The following CPEB4 variants were observed in gnomAD, a reference collection of about 807,000 sequenced individuals.
CPEB4 encodes the protein cytoplasmic polyadenylation element-binding protein 4.
CPEB4 carries 12 observed loss-of-function variants against 72.5 expected under a neutral mutation model. The observed-to-expected ratio is 0.17, with a 90% CI of 0.11 to 0.27. The LOEUF is 0.27. Ranked by LOEUF, CPEB4 falls within the 10% of genes least tolerant of loss-of-function variation. CPEB4 has a pLI of 1.00. For synonymous variants in CPEB4, 302 were observed against 326.3 expected (o/e 0.93, Z 0.80); for missense variants, 614 against 908.5 (o/e 0.68, Z 4.17).
Position 173,890,743 on chromosome 5 carries a change from A to G in CPEB4, c.1010A>G (p.Asn337Ser). 1 of 1,614,068 alleles carries G rather than the reference A, an allele frequency of 6.2e-7. No homozygotes were observed. Among genetic ancestry groups the G allele is most frequent in the Non-Finnish European group, 8.5e-7 (1 of 1,180,018 alleles). ...AACTCCATCTCGCCTTTGAAGAAAA[A>G]TTTTGCAAGCAATCATATTCAGCTC... is the stretch of plus-strand genomic sequence containing the variant. ...PLNSISPLKK[N>S]FASNHIQLQK... Residue 337 changes from asparagine (N) to serine (S), a missense_variant, in exon 1 of 10, where the codon AAT becomes AGT. This residue lies in a region of CPEB4 where 458 missense variants were observed against 548.6 expected (regional missense o/e 0.83). Transcript: ENST00000265085.
chr5:173,890,943 G>A, intron 1 of CPEB4, 85 bp downstream of exon 1: 2 of 1,276,758 alleles, frequency 1.6e-6, no homozygotes, highest in South Asian at 3.0e-5. Context: ...TGAAGTGCCC[G>A]TATTCACATC....
At chr5:173,932,781 G>A (rs1757492889) in intron 3 of CPEB4, among the ~76,000 whole-genome samples, 1 of 152,172 alleles carries the variant, frequency 6.6e-6, no homozygotes, top group African/African-American at 2.4e-5. Context: ...ATTAGCTTCT[G>A]TAGAGTGACC....
intron 6 of CPEB4, 119 bp downstream of exon 6, chr5:173,949,716 A>G: frequency 1.3e-6 from 1 of 743,596 alleles, no homozygotes; most frequent in Non-Finnish European, 2.2e-6. Flanking sequence ...GCATTTTCCC[A>G]AATGCTCTTT....
chr5:173,912,059 T>G (rs1756685374), intron 2 of CPEB4, among the ~76,000 whole-genome samples: 1 of 152,212 alleles, frequency 6.6e-6, no homozygotes. Context: ...CCATCTGATG[T>G]GATACCTTTG....
chr5:173,941,241 A>G (rs958718964), intron 3 of CPEB4, among the ~76,000 whole-genome samples: 1 of 152,198 alleles, frequency 6.6e-6, no homozygotes, highest in Non-Finnish European at 1.5e-5. Context: ...GTTCGTAAAC[A>G]AGCATCTGCT....
At position 173,961,943 on chromosome 5, in the gene CPEB4, G is replaced by T. The variant is rs1190231814; in HGVS notation, c.*5806G>T. 1.5e-5 allele frequency: 2 copies of T among 137,928 alleles called. No individual in the cohort carries two copies. Among genetic ancestry groups the T allele is most frequent in the Non-Finnish European group, 1.7e-5 (1 of 60,414 alleles). The allele number at this position is 137,928 out of a possible 1,614,324, so 8.5% of individuals were successfully genotyped here. ...AGGATAGTCCTTTCCACAAGAAAAA[G>T]ACAAAAAAAAATAAAGTTTTACCAT... On this transcript the variant is annotated 3_prime_UTR_variant, in exon 10 of 10. Transcript: ENST00000265085.
intron 3 of CPEB4, among the ~76,000 whole-genome samples, chr5:173,939,543 A>G (rs1449273882): frequency 6.6e-6 from 1 of 152,216 alleles, no homozygotes; most frequent in East Asian, 1.9e-4. Flanking sequence ...AGCCCTGACA[A>G]GTCTTTCTGT....
chr5:173,916,187 A>T (rs1756860780), intron 2 of CPEB4, among the ~76,000 whole-genome samples: 2 of 152,236 alleles, frequency 1.3e-5, no homozygotes, highest in South Asian at 4.1e-4. Flanking sequence ...ATATGAAATT[A>T]TGACTTAGAT....
In CPEB4 at chr5:173,889,933, C is replaced by T. The variant is rs1231445581; in HGVS notation, c.200C>T (p.Thr67Ile). The T allele has an allele frequency of 1.2e-6, 2 of 1,614,104 alleles. No homozygotes were observed. The highest frequency in any genetic ancestry group is 1.7e-5 in the Admixed American group (1 of 60,008). The stretch of plus-strand genomic sequence containing the variant: ...GCTTGGCTTTTTCCTGCTCCAGCTA[C>T]CCATAACATTCAGGATGAGATCTTG... ...GSAWLFPAPA[T>I]HNIQDEILGS... Residue 67 changes from threonine to isoleucine, a missense_variant, in exon 1 of 10, where the codon ACC becomes ATC. By Grantham distance (89) the Thr-to-Ile change is moderately conservative (BLOSUM62 -1). This residue lies in a region of CPEB4 where 458 missense variants were observed against 548.6 expected (regional missense o/e 0.83). Transcript: ENST00000265085.
At chr5:173,897,901 C>G (rs1756080613) in intron 1 of CPEB4, among the ~76,000 whole-genome samples, 1 of 152,116 alleles carries the variant, frequency 6.6e-6, no homozygotes, top group Non-Finnish European at 1.5e-5. Context: ...CATTCTATGA[C>G]AAAATGGTAC....
At chr5:173,909,997 C>CA (rs1221865340) in intron 1 of CPEB4, among the ~76,000 whole-genome samples, 106 of 118,650 alleles carry the variant, frequency 8.9e-4, no homozygotes, top group Admixed American at 1.8e-3. Flanking sequence ...GACTGTGTCT[C>CA]AAAAAAAAAA....
rs1402412063 is a variant in CPEB4, at chr5:173,956,606, T to A, written c.*469T>A. On this transcript the variant is annotated 3_prime_UTR_variant, in exon 10 of 10. Coordinates refer to ENST00000265085, the MANE Select transcript of CPEB4 (RefSeq NM_030627.4). The stretch of plus-strand genomic sequence containing the variant: ...AAGTGCTTTTGCCTTTTCCTTTCTT[T>A]TTTTTTTTTTTTTCATCTTTTTTGT... 22 of 150,546 alleles carry A rather than the reference T, an allele frequency of 1.5e-4. No individual in the cohort carries two copies. The highest frequency in any genetic ancestry group is 2.7e-4 in the African/African-American group (11 of 41,306). The allele number at this position is 150,546 out of a possible 1,614,324, so 9.3% of individuals were successfully genotyped here.
In CPEB4 at chr5:173,950,603, CAAAAT is replaced by C. The variant is rs61670372; in HGVS notation, c.1665+555_1665+559del. ...CTGGGTGAAAAGTGAGACTCTGTCT[CAAAAT>C]AAAATAAAATAAAATAAAATAAAAT... On this transcript the variant is annotated intron_variant, in intron 7 of 9. Coordinates refer to ENST00000265085, the MANE Select transcript of CPEB4 (RefSeq NM_030627.4). The surrounding 1 kb of genome is among the most constrained non-coding windows in gnomAD (Gnocchi z 5.0). Among the ~76,000 whole-genome samples the C allele has an allele frequency of 0.43, 64,499 of 149,028 alleles. 14,327 individuals carry two copies. Among genetic ancestry groups the C allele is most frequent in the South Asian group, 0.54 (2,524 of 4,672 alleles).
chr5:173,913,179 A>C (rs1275421639), intron 2 of CPEB4, among the ~76,000 whole-genome samples: 1 of 152,036 alleles, frequency 6.6e-6, no homozygotes. Flanking sequence ...GTTAGATAAA[A>C]GAGTTGGCAC....
intron 3 of CPEB4, among the ~76,000 whole-genome samples, chr5:173,934,051 G>A (rs2113243568): frequency 6.6e-6 from 1 of 152,210 alleles, no homozygotes; most frequent in East Asian, 1.9e-4. Flanking sequence ...CAGGTGTGGT[G>A]GCACATGCTT....
intron 5 of CPEB4, among the ~76,000 whole-genome samples, chr5:173,948,928 T>C (rs1463391229): frequency 6.6e-6 from 1 of 152,054 alleles, no homozygotes; most frequent in African/African-American, 2.4e-5. Flanking sequence ...TACCCTTACA[T>C]TGGGGAATAG....
At chr5:173,925,651 T>G (rs1757217084) in intron 2 of CPEB4, among the ~76,000 whole-genome samples, 1 of 152,224 alleles carries the variant, frequency 6.6e-6, no homozygotes, top group South Asian at 2.1e-4. Context: ...TGCTGTCCGA[T>G]GTCCAGGTCC....
Position 173,900,840 on chromosome 5 carries a change from C to G in CPEB4, c.1126-9683C>G, listed in dbSNP as rs543850862. On this transcript the variant is annotated intron_variant, in intron 1 of 9. Coordinates refer to ENST00000265085, the MANE Select transcript of CPEB4 (RefSeq NM_030627.4). The surrounding 1 kb of genome is among the most constrained non-coding windows in gnomAD (Gnocchi z 4.4). Reference sequence around the variant, plus strand: ...CTTTGTGCTCCTGCTGCCCATATACCTTATCTCACTGGCTTTTCACTACAG... The same window carrying G: ...CTTTGTGCTCCTGCTGCCCATATACGTTATCTCACTGGCTTTTCACTACAG... 1.3e-5 allele frequency among the ~76,000 whole-genome samples: 2 copies of G among 152,130 alleles called. No homozygotes were observed.
At position 173,901,518 on chromosome 5, in the gene CPEB4, C is replaced by CGT. The variant is rs777632946; in HGVS notation, c.1126-9004_1126-9003dup. ...ATGCTCGTTGTCTTCATTCAGGCCA[C>CGT]GTATATATAGTGAAGGATTTCATAC... On this transcript the variant is annotated intron_variant, in intron 1 of 9. Transcript: ENST00000265085. Among the ~76,000 whole-genome samples, 12 of 152,150 alleles carry CGT rather than the reference C, an allele frequency of 7.9e-5. No individual in the cohort carries two copies. The East Asian group carries it at 2.3e-3, about 29-fold the overall frequency.
Sources: gnomAD v4.1 joint callset for allele counts (sites outside exome capture counted in the v4.1 genomes callset) on GRCh38, gnomAD v4.1.1 for gene constraint, gnomAD v4.1.1 regional missense constraint, Gnocchi (gnomAD v3.1) non-coding constraint, MANE v1.5 for transcripts, NCBI Gene and HGNC (gene_info 2026-07-23, HGNC 2026-07-21) for gene names.